Variants in ARHGAP8 observed in about 807,000 individuals in gnomAD.
ARHGAP8 encodes the protein Rho GTPase activating protein 8, also known as rho GTPase-activating protein 8.
ARHGAP8 carries 62 observed loss-of-function variants against 46.1 expected under a neutral mutation model. The ratio of observed to expected loss-of-function variants is 1.34; its 90% CI spans 1.10 to 1.66. ARHGAP8 has a LOEUF of 1.66. Among genes scored for constraint, ARHGAP8 ranks in the 40% most tolerant of loss-of-function variants. ARHGAP8 has a pLI of 0.00. For missense variants in ARHGAP8, 923 were observed against 568.4 expected (o/e 1.62, Z -6.34); for synonymous variants, 375 against 243.1 (o/e 1.54, Z -5.05).
chr22:44,759,149 A>T (rs746462987), intron 1 of ARHGAP8, among the ~76,000 whole-genome samples: 1 of 152,170 alleles, frequency 6.6e-6, no homozygotes, highest in Non-Finnish European at 1.5e-5. Context: ...GGTCTGTCCC[A>T]AGCCCTCTGC....
At chr22:44,761,484 TA>T (rs1925129197) in intron 1 of ARHGAP8, among the ~76,000 whole-genome samples, 1 of 152,248 alleles carries the variant, frequency 6.6e-6, no homozygotes, top group Non-Finnish European at 1.5e-5. Flanking sequence ...AGAGATGATT[TA>T]AAGCATACAG....
At chr22:44,806,987 C>T (rs1928973767) in intron 3 of ARHGAP8, among the ~76,000 whole-genome samples, 1 of 151,738 alleles carries the variant, frequency 6.6e-6, no homozygotes, top group Admixed American at 6.6e-5. Flanking sequence ...ATCAAACGCA[C>T]ACAGGAGAAG....
At chr22:44,824,672 G>T (rs531343922) in intron 6 of ARHGAP8, among the ~76,000 whole-genome samples, 1 of 139,924 alleles carries the variant, frequency 7.1e-6, no homozygotes, top group Admixed American at 7.6e-5. Context: ...TTGCTCTATC[G>T]CCCAGGCTGG....
chr22:44,781,774 C>T (rs1926865434), intron 1 of ARHGAP8, among the ~76,000 whole-genome samples: 1 of 152,184 alleles, frequency 6.6e-6, no homozygotes, highest in Admixed American at 6.5e-5. Flanking sequence ...ATCCACATGC[C>T]TCAGCCACCC....
chr22:44,776,725 C>G (rs565075272), intron 1 of ARHGAP8, among the ~76,000 whole-genome samples: 2 of 152,318 alleles, frequency 1.3e-5, no homozygotes, highest in Non-Finnish European at 2.9e-5. Flanking sequence ...TGGTAATTAA[C>G]TGAAAGCCTT....
chr22:44,787,269 C>A (rs1334473418), intron 2 of ARHGAP8, among the ~76,000 whole-genome samples: 2 of 152,202 alleles, frequency 1.3e-5, no homozygotes. Flanking sequence ...AAAACGTAGA[C>A]AACAAACAAC....
chr22:44,787,478 G>A (rs141969966), intron 2 of ARHGAP8, among the ~76,000 whole-genome samples: 1,726 of 152,186 alleles, frequency 0.011, 29 homozygotes, highest in African/African-American at 0.039. Context: ...CCAAGTAGCT[G>A]GGATTACAGG....
At chr22:44,860,612 C>T (rs1251140347) in intron 11 of ARHGAP8, among the ~76,000 whole-genome samples, 1 of 144,992 alleles carries the variant, frequency 6.9e-6, no homozygotes, top group Non-Finnish European at 1.5e-5. Flanking sequence ...TGTGGTCTAT[C>T]TTAGAGGGGC....
chr22:44,768,752 C>T (rs1458555216), intron 1 of ARHGAP8, among the ~76,000 whole-genome samples: 1 of 151,994 alleles, frequency 6.6e-6, no homozygotes, highest in Non-Finnish European at 1.5e-5. Context: ...GAAGGTATGA[C>T]ATCAGGTCGC....
At chr22:44,776,798 G>A (rs1926458747) in intron 1 of ARHGAP8, among the ~76,000 whole-genome samples, 2 of 152,116 alleles carry the variant, frequency 1.3e-5, no homozygotes, top group African/African-American at 2.4e-5. Flanking sequence ...GCCTGGTGGC[G>A]GGGGTAGGGG....
Position 44,862,458 on chromosome 22 carries a change from G to A in ARHGAP8, c.1165G>A (p.Glu389Lys). Residue 389 changes from glutamate to lysine, a missense_variant, in exon 12 of 12, where the codon GAG (glutamate) becomes AAG (lysine). By Grantham distance (56) the Glu-to-Lys change is moderately conservative (BLOSUM62 1). Transcript: ENST00000356099. ...KIFSTPEAPG[E>K]HGLAPWEQGS... is the part of the protein sequence containing the mutation. ...CTTCAGCACCCCGGAGGCACCTGGG[G>A]AGCACGGCCTGGCACCATGGGAACA... 1 of 1,614,030 alleles carries A rather than the reference G, an allele frequency of 6.2e-7. No individual in the cohort carries two copies. The highest frequency in any genetic ancestry group is 2.2e-5 in the East Asian group (1 of 44,866).
At chr22:44,838,664 G>A (rs576825949) in intron 7 of ARHGAP8, among the ~76,000 whole-genome samples, 21 of 152,270 alleles carry the variant, frequency 1.4e-4, no homozygotes, top group Admixed American at 4.6e-4. Flanking sequence ...ACATTGTCCC[G>A]CCTGTTGAGT....
At chr22:44,802,709 G>A (rs528615907) in intron 3 of ARHGAP8, among the ~76,000 whole-genome samples, 260 of 152,248 alleles carry the variant, frequency 1.7e-3, no homozygotes, top group African/African-American at 5.9e-3. Context: ...TGGAGGCTGC[G>A]GGGGAGCTTC....
chr22:44,826,218 A>G (rs1412675090), intron 7 of ARHGAP8, among the ~76,000 whole-genome samples: 1 of 152,072 alleles, frequency 6.6e-6, no homozygotes, highest in African/African-American at 2.4e-5. Flanking sequence ...GTCACTCTGC[A>G]TCCCTGATCC....
intron 9 of ARHGAP8, 126 bp from the exon 10 acceptor site, chr22:44,848,806 A>G: frequency 6.5e-7 from 1 of 1,527,056 alleles, no homozygotes; most frequent in Non-Finnish European, 8.8e-7. Context: ...CATCCCTAGG[A>G]CACATGGCTC....
Position 44,808,446 on chromosome 22 carries a change from C to T in ARHGAP8, c.299+8C>T. 2 of 1,613,590 alleles carry T rather than the reference C, an allele frequency of 1.2e-6. No individual in the cohort carries two copies. Among genetic ancestry groups the T allele is most frequent in the Non-Finnish European group, 1.7e-6 (2 of 1,179,778 alleles). On this transcript the variant is annotated splice_region_variant and intron_variant, in intron 4 of 11. Coordinates refer to ENST00000356099, the MANE Select transcript of ARHGAP8 (RefSeq NM_181335.3). ...CAAGGAGTTCGATAGGAAGTACGTGCCCGCAAGCCTTCAGGGACGTGGGTG... is the reference window on the plus strand; with the variant it reads ...CAAGGAGTTCGATAGGAAGTACGTGTCCGCAAGCCTTCAGGGACGTGGGTG...
intron 2 of ARHGAP8, among the ~76,000 whole-genome samples, chr22:44,800,252 T>G (rs1468323759): frequency 6.6e-6 from 1 of 151,996 alleles, no homozygotes; most frequent in Admixed American, 6.6e-5. Flanking sequence ...TGTAGACATG[T>G]GCCACCACGC....
Position 44,853,835 on chromosome 22 carries a change from C to G in ARHGAP8, c.877+4775C>G, listed in dbSNP as rs144452233. Among the ~76,000 whole-genome samples the G allele has an allele frequency of 2.9e-3, 438 of 151,964 alleles. 9 individuals carry two copies. The East Asian group carries it at 0.031, about 11-fold the overall frequency. On this transcript the variant is annotated intron_variant, in intron 10 of 11. Coordinates refer to ENST00000356099, the MANE Select transcript of ARHGAP8 (RefSeq NM_181335.3). ...CTGAGGTTGGGAGTTTGAGACCAGT[C>G]TGACCAACATGGAGAAATCCCATCT...
At chr22:44,759,651 T>C (rs59154306) in intron 1 of ARHGAP8, among the ~76,000 whole-genome samples, 8,397 of 152,246 alleles carry the variant, frequency 0.055, 544 homozygotes, top group African/African-American at 0.15. Context: ...ACAGTGGTTC[T>C]GTCTTGAGAA....
Sources: gnomAD v4.1 joint callset for allele counts (sites outside exome capture counted in the v4.1 genomes callset) on GRCh38, gnomAD v4.1.1 for gene constraint, MANE v1.5 for transcripts, NCBI Gene and HGNC (gene_info 2026-07-23, HGNC 2026-07-21) for gene names.